Variants in DLG1 observed in about 807,000 individuals in gnomAD.
DLG1 encodes disks large homolog 1.
A neutral mutation model predicts 123.4 loss-of-function variants in DLG1; 42 were observed. The ratio of observed to expected loss-of-function variants is 0.34; its 90% confidence interval spans 0.27 to 0.44. DLG1 has a LOEUF of 0.44. Among genes scored for constraint, DLG1 ranks in the 20% least tolerant of loss-of-function variants. The probability of loss-of-function intolerance (pLI) is 1.00; values close to 1 mark genes in which losing one functional copy is unlikely to be tolerated. For synonymous variants in DLG1, 317 were observed against 356.2 expected (o/e 0.89, Z 1.24); for missense variants, 942 against 1,082.6 (o/e 0.87, Z 1.82).
intron 17 of DLG1, 117 bp from the exon 18 acceptor site, chr3:197,076,802 T>G: frequency 1.9e-6 from 1 of 518,944 alleles, no homozygotes; most frequent in Non-Finnish European, 3.4e-6. Flanking sequence ...AGTTTGTATA[T>G]GATTTTTACT....
chr3:197,180,490 A>C (rs1231946965), intron 5 of DLG1, among the ~76,000 whole-genome samples: 1 of 152,230 alleles, frequency 6.6e-6, no homozygotes, highest in African/African-American at 2.4e-5. Flanking sequence ...ATTAAGGACA[A>C]AAACACTATG....
At chr3:197,061,143 C>G (rs1415515483) in intron 22 of DLG1, among the ~76,000 whole-genome samples, 6 of 152,088 alleles carry the variant, frequency 3.9e-5, no homozygotes, top group African/African-American at 1.4e-4. Flanking sequence ...GAGTCCAAGT[C>G]AATACATGAT....
intron 4 of DLG1, among the ~76,000 whole-genome samples, chr3:197,225,570 G>A (rs990605972): frequency 2.0e-5 from 3 of 152,268 alleles, no homozygotes; most frequent in African/African-American, 7.2e-5. Flanking sequence ...GGTGTTTCCT[G>A]TACACTTAAT....
chr3:197,078,601 C>G (rs929785214), intron 17 of DLG1: 11 of 152,000 alleles, frequency 7.2e-5, no homozygotes, highest in African/African-American at 2.4e-4. Context: ...ATGGAGAAAT[C>G]TGGGCTTATA....
chr3:197,236,738 G>A (rs114273810), intron 4 of DLG1, among the ~76,000 whole-genome samples: 1 of 152,328 alleles, frequency 6.6e-6, no homozygotes, highest in African/African-American at 2.4e-5. Context: ...AACGGAGGTG[G>A]TAGACAATCT....
intron 20 of DLG1, 100 bp downstream of exon 20, chr3:197,066,604 A>T (rs41284053): frequency 0.048 from 40,871 of 850,064 alleles, 1,228 homozygotes; most frequent in South Asian, 0.054. Context: ...GTAAAAAAAA[A>T]TTTTAATACA....
intron 5 of DLG1, among the ~76,000 whole-genome samples, chr3:197,176,381 G>C (rs1426550522): frequency 2.6e-5 from 4 of 152,088 alleles, no homozygotes; most frequent in South Asian, 2.1e-4. Flanking sequence ...CATGGGTTTT[G>C]ACATGTGTTT....
chr3:197,291,907 G>A (rs528878178), intron 3 of DLG1, among the ~76,000 whole-genome samples: 2 of 152,148 alleles, frequency 1.3e-5, no homozygotes, highest in African/African-American at 4.8e-5. Flanking sequence ...TACACTTGAA[G>A]AGGAGTCATA....
At chr3:197,198,125 A>G (rs929985454) in intron 4 of DLG1, among the ~76,000 whole-genome samples, 18 of 96,364 alleles carry the variant, frequency 1.9e-4, no homozygotes, top group Non-Finnish European at 3.9e-4. Context: ...GGACTCATCA[A>G]AACAAAACAA....
At chr3:197,222,034 T>C (rs1041938135) in intron 4 of DLG1, among the ~76,000 whole-genome samples, 3 of 152,208 alleles carry the variant, frequency 2.0e-5, no homozygotes, top group African/African-American at 7.2e-5. Context: ...TGTTATAATG[T>C]ATTGCTCAGG....
intron 17 of DLG1, among the ~76,000 whole-genome samples, chr3:197,079,293 A>T (rs1291026935): frequency 6.6e-6 from 1 of 152,208 alleles, no homozygotes; most frequent in Non-Finnish European, 1.5e-5. Context: ...AGCCAAATGA[A>T]TGTTAGACAT....
At chr3:197,088,926 T>G (rs187178369) in intron 15 of DLG1, among the ~76,000 whole-genome samples, 12 of 152,328 alleles carry the variant, frequency 7.9e-5, no homozygotes, top group Admixed American at 3.3e-4. Flanking sequence ...GTAAATGCTA[T>G]TAGTTTTATT....
intron 3 of DLG1, among the ~76,000 whole-genome samples, chr3:197,288,763 C>CATACATACATACATAG (rs1773352692): frequency 9.4e-6 from 1 of 106,182 alleles, no homozygotes; most frequent in African/African-American, 2.9e-5. Flanking sequence ...TACATACATA[C>CATACATACATACATAG]ATACATACAT....
At chr3:197,126,538 C>G (rs1189151217) in intron 11 of DLG1, among the ~76,000 whole-genome samples, 2 of 151,154 alleles carry the variant, frequency 1.3e-5, no homozygotes, top group Non-Finnish European at 2.9e-5. Flanking sequence ...TCACAATGTG[C>G]ACATGGTTAT....
At chr3:197,090,330 C>A (rs1757070310) in intron 15 of DLG1, among the ~76,000 whole-genome samples, 1 of 151,022 alleles carries the variant, frequency 6.6e-6, no homozygotes, top group African/African-American at 2.4e-5. Flanking sequence ...AGAAACACCC[C>A]AGTTTATATA....
rs187242650 is a variant in DLG1, at chr3:197,211,508, T to A, written c.319-16919A>T. Among the ~76,000 whole-genome samples, 395 of 146,496 alleles carry A rather than the reference T, an allele frequency of 2.7e-3. 12 individuals are homozygous for A. The highest frequency in any genetic ancestry group is 9.3e-3 in the African/African-American group (385 of 41,184). On this transcript the variant is annotated intron_variant, in intron 4 of 24. Coordinates refer to ENST00000667157, the MANE Select transcript of DLG1 (RefSeq NM_001366207.1). ...AATACACGCCAATCAATAAATGTGATTCATCACATAAACAGAACTAAATAA... is the reference window on the plus strand; with the variant it reads ...AATACACGCCAATCAATAAATGTGAATCATCACATAAACAGAACTAAATAA...
intron 5 of DLG1, chr3:197,184,195 A>C: frequency 7.1e-6 from 6 of 841,300 alleles, no homozygotes; most frequent in Non-Finnish European, 8.7e-6. Context: ...TGCTATAAAC[A>C]CTGGACTACC....
At chr3:197,169,204 T>C (rs1055767806) in intron 5 of DLG1, among the ~76,000 whole-genome samples, 3 of 152,248 alleles carry the variant, frequency 2.0e-5, no homozygotes, top group African/African-American at 4.8e-5. Flanking sequence ...CTCACTTTGA[T>C]TCATTGAAAA....
chr3:197,288,237 G>A (rs1244917882), intron 3 of DLG1, among the ~76,000 whole-genome samples: 1 of 151,390 alleles, frequency 6.6e-6, no homozygotes, highest in Non-Finnish European at 1.5e-5. Context: ...GGTGGCGCAC[G>A]CCTGTAATCC....
Sources: allele counts gnomAD v4.1 joint callset (sites outside exome capture counted in the v4.1 genomes callset), GRCh38; gene constraint gnomAD v4.1.1; transcripts MANE v1.5; gene names NCBI Gene and HGNC (gene_info 2026-07-23, HGNC 2026-07-21).